UBASH3B: variants seen among roughly 807,000 people sequenced by gnomAD.
UBASH3B encodes ubiquitin-associated and SH3 domain-containing protein B.
UBASH3B carries 37 observed loss-of-function variants against 83.4 expected under a neutral mutation model. The observed-to-expected ratio is 0.44, with a 90% confidence interval of 0.34 to 0.58. UBASH3B has a LOEUF of 0.58. Ranked by LOEUF, UBASH3B falls within the 20% of genes least tolerant of loss-of-function variation. UBASH3B has a pLI of 0.01. For synonymous variants in UBASH3B, 304 were observed against 318.3 expected, an observed-to-expected ratio of 0.96 and a Z score of 0.48; for missense variants, 657 against 827.2, an observed-to-expected ratio of 0.79 and a Z score of 2.52.
chr11:122,747,103 C>T lies in UBASH3B; in HGVS notation c.162-29116C>T, dbSNP rs1278039478. ...GGTGGTCACCGGAGAGGCAGCTGGG[C>T]TGACAGGGGCCAGCACAGGCATGGC... On this transcript the variant is annotated intron_variant, in intron 1 of 13. Coordinates refer to ENST00000284273, the MANE Select transcript of UBASH3B (RefSeq NM_032873.5). 2.0e-5 allele frequency among the ~76,000 whole-genome samples: 3 copies of T among 152,238 alleles called. No individual in the cohort carries two copies. The East Asian group carries it at 5.8e-4, about 29-fold the overall frequency.
At chr11:122,793,294 A>G (rs1351330635) in intron 6 of UBASH3B, among the ~76,000 whole-genome samples, 1 of 152,206 alleles carries the variant, frequency 6.6e-6, no homozygotes, top group African/African-American at 2.4e-5. Flanking sequence ...GAGGCAGGAA[A>G]ATCGCTTGAA....
intron 1 of UBASH3B, among the ~76,000 whole-genome samples, chr11:122,662,452 AG>A (rs1218020006): frequency 1.2e-4 from 17 of 142,032 alleles, no homozygotes; most frequent in Admixed American, 1.1e-3. Context: ...TTTTTGAGAC[AG>A]TTTCACTCTT....
At chr11:122,691,881 A>C (rs1005482483) in intron 1 of UBASH3B, among the ~76,000 whole-genome samples, 2 of 152,054 alleles carry the variant, frequency 1.3e-5, no homozygotes, top group African/African-American at 4.8e-5. Context: ...TGGGCTCTCA[A>C]AGGACACAAT....
At chr11:122,776,984 T>C (rs1294699382) in intron 2 of UBASH3B, 40 bp from the exon 3 acceptor site, 2 of 1,530,354 alleles carry the variant, frequency 1.3e-6, no homozygotes, top group African/African-American at 1.4e-5. Flanking sequence ...CCTCCCATTA[T>C]TCTCAAGCGA....
At chr11:122,698,179 G>T (rs1407872676) in intron 1 of UBASH3B, among the ~76,000 whole-genome samples, 1 of 152,228 alleles carries the variant, frequency 6.6e-6, no homozygotes, top group Non-Finnish European at 1.5e-5. Context: ...ATACCTGGCA[G>T]ATCTCTTCTC....
At position 122,677,312 on chromosome 11, in the gene UBASH3B, C is replaced by A. The variant is rs868206869; in HGVS notation, c.161+21102C>A. On this transcript the variant is annotated intron_variant, in intron 1 of 13. Transcript: ENST00000284273. ...CTGAGGGAGGTCCTGGAATCATTCCCCTATGGATACCAAGGGAGTACTGTA... is the reference window on the plus strand; with the variant it reads ...CTGAGGGAGGTCCTGGAATCATTCCACTATGGATACCAAGGGAGTACTGTA... Among the ~76,000 whole-genome samples, 19 of 152,284 alleles carry A rather than the reference C, an allele frequency of 1.2e-4. No homozygotes were observed. The South Asian group carries it at 1.9e-3, about 15-fold the overall frequency.
chr11:122,757,693 C>T (rs1279177346), intron 1 of UBASH3B, among the ~76,000 whole-genome samples: 1 of 146,098 alleles, frequency 6.8e-6, no homozygotes, highest in Non-Finnish European at 1.5e-5. Context: ...AATGGGAAGA[C>T]AAGACCTTCT....
At chr11:122,737,664 G>A (rs1431222321) in intron 1 of UBASH3B, among the ~76,000 whole-genome samples, 2 of 151,908 alleles carry the variant, frequency 1.3e-5, no homozygotes, top group African/African-American at 4.8e-5. Flanking sequence ...TGGATGCTCT[G>A]CCCTGAGCCA....
At chr11:122,769,817 G>C (rs186454523) in intron 1 of UBASH3B, among the ~76,000 whole-genome samples, 2 of 152,344 alleles carry the variant, frequency 1.3e-5, no homozygotes, top group Non-Finnish European at 2.9e-5. Flanking sequence ...CCATCCCCCA[G>C]TTCATTGCCG....
chr11:122,688,683 T>C lies in UBASH3B; in HGVS notation c.161+32473T>C, dbSNP rs182457104. ...TTTTTGAGACGGAGGCTTGCTCTGT[T>C]GCCCAGGCTGGAGTGCAGTAGTGCA... is the stretch of plus-strand genomic sequence containing the variant. On this transcript the variant is annotated intron_variant, in intron 1 of 13. Coordinates refer to ENST00000284273, the MANE Select transcript of UBASH3B (RefSeq NM_032873.5). Among the ~76,000 whole-genome samples the C allele has an allele frequency of 4.9e-3, 734 of 151,032 alleles. 1 individual carries two copies. The highest frequency in any genetic ancestry group is 0.015 in the African/African-American group (627 of 41,030).
intron 1 of UBASH3B, among the ~76,000 whole-genome samples, chr11:122,710,648 CAAAT>C (rs1359471085): frequency 6.7e-6 from 1 of 149,882 alleles, no homozygotes; most frequent in South Asian, 2.1e-4. Context: ...CAAAAATGGA[CAAAT>C]AAAGGCACCA....
chr11:122,771,752 C>A (rs1328760927), intron 1 of UBASH3B, among the ~76,000 whole-genome samples: 3 of 16,836 alleles, frequency 1.8e-4, no homozygotes, highest in African/African-American at 5.3e-4. Flanking sequence ...TGTTAAAACA[C>A]ACACACACAC....
chr11:122,663,093 C>T (rs1439203837), intron 1 of UBASH3B, among the ~76,000 whole-genome samples: 2 of 151,546 alleles, frequency 1.3e-5, no homozygotes, highest in Non-Finnish European at 2.9e-5. Flanking sequence ...TCTCCTGCCT[C>T]AGCCTCCTGA....
chr11:122,786,058 T>C (rs921643624), intron 5 of UBASH3B, among the ~76,000 whole-genome samples: 1 of 151,904 alleles, frequency 6.6e-6, no homozygotes, highest in African/African-American at 2.4e-5. Flanking sequence ...TTTTGTTTTT[T>C]GTTTTTGTTG....
At chr11:122,744,894 TGTGTGCGC>T (rs67249404) in intron 1 of UBASH3B, among the ~76,000 whole-genome samples, 14,547 of 143,742 alleles carry the variant, frequency 0.1, 924 homozygotes, top group Non-Finnish European at 0.14. Flanking sequence ...TGTGTGTGTG[TGTGTGCGC>T]GCGCGCGCGC....
At chr11:122,665,179 G>A (rs1490396882) in intron 1 of UBASH3B, among the ~76,000 whole-genome samples, 1 of 152,084 alleles carries the variant, frequency 6.6e-6, no homozygotes, top group Non-Finnish European at 1.5e-5. Context: ...TTACAGGTGT[G>A]AGCCACTGCG....
At chr11:122,719,257 C>T (rs1229440158) in intron 1 of UBASH3B, among the ~76,000 whole-genome samples, 6 of 152,184 alleles carry the variant, frequency 3.9e-5, no homozygotes, top group Non-Finnish European at 8.8e-5. Flanking sequence ...TCAATTTCCT[C>T]ATCAGATGAT....
At chr11:122,794,311 T>G (rs952010261) in intron 6 of UBASH3B, among the ~76,000 whole-genome samples, 3 of 152,144 alleles carry the variant, frequency 2.0e-5, no homozygotes, top group African/African-American at 4.8e-5. Context: ...GTTCAAGAGA[T>G]TCTCATACCT....
intron 1 of UBASH3B, chr11:122,775,488 T>C (rs1221305884): frequency 6.6e-6 from 1 of 152,262 alleles, no homozygotes; most frequent in African/African-American, 2.4e-5. Context: ...CTGGTGGTGG[T>C]TGGAAGTGGG....
Sources: gnomAD v4.1 joint callset for allele counts (sites outside exome capture counted in the v4.1 genomes callset) on GRCh38, gnomAD v4.1.1 for gene constraint, MANE v1.5 for transcripts, NCBI Gene and HGNC (gene_info 2026-07-23, HGNC 2026-07-21) for gene names.